TSC2: variants seen among roughly 807,000 people sequenced by gnomAD.
TSC2 encodes tuberin.
TSC2 carries 29 observed loss-of-function variants against 202.2 expected under a neutral mutation model. The observed-to-expected ratio is 0.14, with a 90% CI of 0.11 to 0.20. The LOEUF is 0.20. TSC2 is among the 10% of genes least tolerant of loss of function. TSC2 has a pLI of 1.00. For synonymous variants in TSC2, 1,349 were observed against 1,044.0 expected, an observed-to-expected ratio of 1.29 and a Z score of -5.63; for missense variants, 2,429 against 2,420.0, an observed-to-expected ratio of 1.00 and a Z score of -0.08.
At position 2,071,781 on chromosome 16, in the gene TSC2, C is replaced by T. The variant is rs201106259; in HGVS notation, c.1947-3C>T. 49 of 1,605,448 alleles carry T rather than the reference C, an allele frequency of 3.1e-5. No individual in the cohort carries two copies. In the African/African-American group the frequency reaches 5.4e-4, roughly 18 times the overall value. The stretch of plus-strand genomic sequence containing the variant: ...GCCTCAGCTGCTTCTCTTGCTTCTG[C>T]AGGGAGCCAGAGAGAGGCTCTGAGA... On this transcript the variant is annotated splice_polypyrimidine_tract_variant and splice_region_variant and intron_variant, in intron 18 of 41. Transcript: ENST00000219476.
chr16:2,055,952 C>G, intron 6 of TSC2: 27 of 529,632 alleles, frequency 5.1e-5, no homozygotes, highest in East Asian at 3.6e-5. Context: ...CATCTGATGT[C>G]TTGGTTATCT....
At chr16:2,049,670 C>A (rs1283266761) in intron 2 of TSC2, among the ~76,000 whole-genome samples, 1 of 151,460 alleles carries the variant, frequency 6.6e-6, no homozygotes, top group Non-Finnish European at 1.5e-5. Context: ...ACTAAAAATA[C>A]CAAAAATTAG....
rs537187222 is a variant in TSC2, at chr16:2,088,951, A to T, written c.*341A>T. On this transcript the variant is annotated 3_prime_UTR_variant, in exon 42 of 42. Transcript: ENST00000219476. ...GCCCCCAGGAGGAGTCTTTTCCTCT[A>T]ACCACCCTGGGGTCCTCTGACATGC... The T allele has an allele frequency of 4.0e-4, 137 of 344,288 alleles. 4 individuals are homozygous for T. Among genetic ancestry groups the T allele is most frequent in the South Asian group, 3.9e-3 (135 of 34,374 alleles). The allele number at this position is 344,288 out of a possible 1,614,324, so 21.3% of individuals were successfully genotyped here.
At chr16:2,055,077 G>A (rs62038803) in intron 5 of TSC2, 3 of 431,600 alleles carry the variant, frequency 7.0e-6, no homozygotes, top group Non-Finnish European at 8.7e-6. Flanking sequence ...GGTGGGGAAC[G>A]CCCAGGAGTC....
intron 20 of TSC2, chr16:2,072,611 C>T (rs1389816461): frequency 3.8e-6 from 3 of 795,188 alleles, no homozygotes; most frequent in South Asian, 1.8e-5. Flanking sequence ...GGATGTCTCC[C>T]ATCTGTGCTT....
intron 11 of TSC2, 141 bp from the exon 12 acceptor site, chr16:2,061,730 G>T: frequency 7.0e-7 from 1 of 1,423,932 alleles, no homozygotes; most frequent in Admixed American, 1.8e-5. Context: ...CAGAGGGCTG[G>T]GGGCGTCTGT....
At chr16:2,056,593 G>T (rs374727545) in intron 7 of TSC2, 51 bp from the exon 8 acceptor site, 1 of 1,600,324 alleles carries the variant, frequency 6.2e-7, no homozygotes. Flanking sequence ...GTCCTCTCCT[G>T]TGGGGAGGAG....
chr16:2,066,534 A>G (rs1266500183), intron 16 of TSC2: 5 of 151,282 alleles, frequency 3.3e-5, no homozygotes, highest in African/African-American at 9.7e-5. Flanking sequence ...CTAGGAGTGA[A>G]TTGTTGGGCC....
intron 4 of TSC2, 67 bp from the exon 5 acceptor site, chr16:2,054,229 G>C (rs1302807162): frequency 2.5e-6 from 4 of 1,612,456 alleles, no homozygotes; most frequent in Non-Finnish European, 2.5e-6. Context: ...CTGCACTTCA[G>C]GGACTTCTTG....
At chr16:2,075,346 G>A (rs1473800992) in intron 22 of TSC2, 1 of 190,882 alleles carries the variant, frequency 5.2e-6, no homozygotes, top group Non-Finnish European at 1.1e-5. Flanking sequence ...CGAACACGGT[G>A]AAACCCCGTC....
intron 10 of TSC2, among the ~76,000 whole-genome samples, chr16:2,059,159 C>T (rs1263049056): frequency 1.3e-5 from 2 of 150,878 alleles, no homozygotes; most frequent in Admixed American, 1.3e-4. Context: ...GCTGGGATTA[C>T]AGGTGCCTGG....
chr16:2,085,677 A>G (rs543150101), intron 36 of TSC2, among the ~76,000 whole-genome samples: 6 of 152,278 alleles, frequency 3.9e-5, no homozygotes, highest in Admixed American at 1.3e-4. Flanking sequence ...ACACACCAGC[A>G]GCGGGGGCCG....
intron 16 of TSC2, among the ~76,000 whole-genome samples, chr16:2,068,339 C>CTAATTT (rs1671048087): frequency 6.6e-6 from 1 of 152,104 alleles, no homozygotes; most frequent in Non-Finnish European, 1.5e-5. Context: ...CGTGCCTGGC[C>CTAATTT]TGTTTTCATT....
At chr16:2,051,373 C>T (rs984495132) in intron 3 of TSC2, among the ~76,000 whole-genome samples, 1 of 151,796 alleles carries the variant, frequency 6.6e-6, no homozygotes, top group Non-Finnish European at 1.5e-5. Context: ...CATGCTCACT[C>T]GCTCTCTCCT....
Position 2,079,425 on chromosome 16 carries a change from C to T in TSC2, c.3281C>T (p.Ser1094Leu), listed in dbSNP as rs397514887. 104 of 1,612,744 alleles carry T rather than the reference C, an allele frequency of 6.4e-5. No individual in the cohort carries two copies. The South Asian group carries it at 1.1e-3, about 16-fold the overall frequency. Residue 1094 changes from serine to leucine, a missense_variant, in exon 28 of 42, where the codon TCG becomes TTG. Physicochemically the swap from Ser to Leu is moderately radical, Grantham distance 145. Transcript: ENST00000219476. The surrounding 1 kb of genome is among the most constrained non-coding windows in gnomAD (Gnocchi z 4.6). ...DSGELQSGPE[S>L]SSSPGVHVRQ... ...GGGGAGCTGCAGTCCGGCCCGGAGT[C>T]GAGGTGACTGCACCTTCCTTTCCTC... is the stretch of plus-strand genomic sequence containing the variant.
chr16:2,071,729 C>T (rs561585017), intron 18 of TSC2, 55 bp from the exon 19 acceptor site: 2 of 1,595,954 alleles, frequency 1.3e-6, no homozygotes, highest in African/African-American at 2.7e-5. Context: ...AGAGCCAAGT[C>T]TGTTCCGTTC....
chr16:2,077,572 G>A (rs750859415), intron 25 of TSC2, 26 bp from the exon 26 acceptor site: 21 of 1,612,240 alleles, frequency 1.3e-5, no homozygotes, highest in South Asian at 1.1e-4. Flanking sequence ...TCTCTGGGGC[G>A]TTGGGGCTCC....
In TSC2 at chr16:2,083,696, C is replaced by T. The variant is rs766771526; in HGVS notation, c.3885C>T (p.Asp1295=). The T allele has an allele frequency of 4.4e-6, 7 of 1,581,048 alleles. 1 individual carries two copies. The South Asian group carries it at 5.8e-5, about 13-fold the overall frequency. ...GQLHRSVSWA[D]SAVVMEEGSP... is the part of the protein sequence containing the mutation. ...GCAGCCCCGTCTGTGTCCTCCCAGA[C>T]TCCGCCGTGGTCATGGAGGAGGGAA... Residue 1295 remains aspartate, a splice_region_variant and synonymous_variant, in exon 33 of 42, where the codon GAC becomes GAT. Transcript: ENST00000219476.
chr16:2,055,055 C>T (rs970060796), intron 5 of TSC2: 5 of 408,348 alleles, frequency 1.2e-5, no homozygotes, highest in African/African-American at 8.2e-5. Context: ...CTCCGAGCCA[C>T]TCTCTGCTGG....
Sources: gnomAD v4.1 joint callset for allele counts (sites outside exome capture counted in the v4.1 genomes callset) on GRCh38, gnomAD v4.1.1 for gene constraint, Gnocchi (gnomAD v3.1) non-coding constraint, MANE v1.5 for transcripts, NCBI Gene and HGNC (gene_info 2026-07-23, HGNC 2026-07-21) for gene names.